TAF4: variants seen among roughly 807,000 people sequenced by gnomAD.
TAF4 encodes the protein TATA-box binding protein associated factor 4.
A neutral mutation model predicts 90.3 loss-of-function variants in TAF4; 9 were observed. The observed-to-expected ratio is 0.10, with a 90% CI of 0.06 to 0.17. The LOEUF (loss-of-function observed/expected upper bound fraction) is 0.17, where lower values mean the gene tolerates loss of function less well. Ranked by LOEUF, TAF4 falls within the 10% of genes least tolerant of loss-of-function variation. TAF4 has a pLI of 1.00. For missense variants in TAF4, 1,351 were observed against 1,370.7 expected (o/e 0.99, Z 0.23); for synonymous variants, 818 against 638.9 (o/e 1.28, Z -4.23).
chr20:62,063,022 A>C (rs1054782388), intron 1 of TAF4, among the ~76,000 whole-genome samples: 6 of 152,220 alleles, frequency 3.9e-5, no homozygotes, highest in African/African-American at 1.4e-4. Context: ...TCCTACTAAA[A>C]GGTCAACATA....
chr20:62,008,801 G>A lies in TAF4; in HGVS notation c.1884+251C>T, dbSNP rs919744131. The A allele has an allele frequency of 1.6e-5, 6 of 378,192 alleles. No individual in the cohort carries two copies. The South Asian group carries it at 3.8e-4, about 24-fold the overall frequency. The allele number at this position is 378,192 out of a possible 1,614,324, so 23.4% of individuals were successfully genotyped here. Reference sequence around the variant, plus strand: ...AGAGAGCCACAGACAAGGGACGCAGGCACCAGAAAACGGCAAAGCCCGGGA... The same window carrying A: ...AGAGAGCCACAGACAAGGGACGCAGACACCAGAAAACGGCAAAGCCCGGGA... On this transcript the variant is annotated intron_variant, in intron 5 of 14. Coordinates refer to ENST00000252996, the MANE Select transcript of TAF4 (RefSeq NM_003185.4).
chr20:62,017,205 A>G (rs1338236018), intron 1 of TAF4, among the ~76,000 whole-genome samples: 1 of 152,166 alleles, frequency 6.6e-6, no homozygotes, highest in Non-Finnish European at 1.5e-5. Flanking sequence ...CGCAGACTTA[A>G]GTGCACACAT....
At chr20:61,980,759 G>C (rs771840135) in intron 14 of TAF4, 1 of 152,284 alleles carries the variant, frequency 6.6e-6, no homozygotes, top group South Asian at 2.1e-4. Context: ...CACTGGACGA[G>C]GGCGCCTAGA....
At chr20:61,999,800 T>C (rs547722306) in intron 11 of TAF4, among the ~76,000 whole-genome samples, 22 of 152,142 alleles carry the variant, frequency 1.4e-4, no homozygotes, top group African/African-American at 4.8e-4. Context: ...AATACAAAAA[T>C]TAGTTGGGCA....
At chr20:61,984,436 G>A (rs573676452) in intron 14 of TAF4, among the ~76,000 whole-genome samples, 84 of 152,282 alleles carry the variant, frequency 5.5e-4, no homozygotes, top group South Asian at 4.6e-3. Flanking sequence ...GAAGACACAC[G>A]TACAAGGCGA....
chr20:62,007,229 T>C (rs1291426835), intron 6 of TAF4, among the ~76,000 whole-genome samples: 1 of 152,228 alleles, frequency 6.6e-6, no homozygotes, highest in East Asian at 1.9e-4. Context: ...CCTGACGCTG[T>C]TGAAACCCTT....
chr20:61,981,321 GAAC>G (rs746950056), intron 14 of TAF4: 8 of 152,080 alleles, frequency 5.3e-5, no homozygotes, highest in Non-Finnish European at 7.4e-5. Flanking sequence ...ACCTACCCTG[GAAC>G]AACAAGAAAA....
chr20:61,996,726 C>G (rs2055664898), intron 14 of TAF4, among the ~76,000 whole-genome samples: 1 of 150,296 alleles, frequency 6.7e-6, no homozygotes, highest in Admixed American at 6.7e-5. Flanking sequence ...TTGAACCTGG[C>G]AGGCGGAGGT....
At chr20:61,989,854 G>A (rs2055619856) in intron 14 of TAF4, among the ~76,000 whole-genome samples, 1 of 152,240 alleles carries the variant, frequency 6.6e-6, no homozygotes, top group African/African-American at 2.4e-5. Flanking sequence ...CCAGCAGAGG[G>A]CAACCAGCAG....
Position 62,006,861 on chromosome 20 carries a change from T to A in TAF4, c.1975-103A>T, listed in dbSNP as rs1037449029. On this transcript the variant is annotated intron_variant, in intron 6 of 14. Coordinates refer to ENST00000252996, the MANE Select transcript of TAF4 (RefSeq NM_003185.4). The surrounding 1 kb of genome is among the most constrained non-coding windows in gnomAD (Gnocchi z 7.0). ...CAACTTTTACAGAAAGCTTTTGAGC[T>A]AAGTAAGATGGATCTTGGCCCTCAC... 1 of 1,380,852 alleles carries A rather than the reference T, an allele frequency of 7.2e-7. No homozygotes were observed. 85.5% of individuals were successfully genotyped at this position (1,380,852 alleles called of 1,614,324 possible). A position where few individuals can be genotyped will look rare whatever the true frequency, so the allele number is the denominator to read the frequency against.
chr20:61,998,301 GA>G (rs1169770547), intron 12 of TAF4, 109 bp from the exon 13 acceptor site: 1 of 1,131,204 alleles, frequency 8.8e-7, no homozygotes, highest in African/African-American at 1.6e-5. Flanking sequence ...TAATGTTAAA[GA>G]ATGCATAGCA....
intron 1 of TAF4, among the ~76,000 whole-genome samples, chr20:62,039,184 G>A (rs2055950272): frequency 6.6e-6 from 1 of 152,182 alleles, no homozygotes; most frequent in East Asian, 1.9e-4. Flanking sequence ...CAGCACTGGA[G>A]GACTCCTGCC....
intron 13 of TAF4, 45 bp downstream of exon 13, chr20:61,998,091 T>C: frequency 6.2e-7 from 1 of 1,602,218 alleles, no homozygotes; most frequent in Non-Finnish European, 8.5e-7. Context: ...GGCGCTACAG[T>C]GCACAGCAAA....
At chr20:62,014,108 C>T (rs1455245872) in intron 2 of TAF4, among the ~76,000 whole-genome samples, 1 of 152,020 alleles carries the variant, frequency 6.6e-6, no homozygotes, top group East Asian at 1.9e-4. Context: ...CCCACTCGCA[C>T]ACAGCGGCTC....
intron 9 of TAF4, among the ~76,000 whole-genome samples, chr20:62,001,947 C>T (rs1034015037): frequency 6.6e-6 from 1 of 152,148 alleles, no homozygotes; most frequent in African/African-American, 2.4e-5. Context: ...GTTACTGTTC[C>T]CAGGACCCTG....
rs1234267458 is a variant in TAF4 at position 62,010,663 on chromosome 20, C to CTTT, written c.1642-499_1642-498insAAA. Among the ~76,000 whole-genome samples the CTTT allele has an allele frequency of 1.3e-5, 2 of 152,110 alleles. No individual in the cohort carries two copies. Among genetic ancestry groups the CTTT allele is most frequent in the Admixed American group, 1.3e-4 (2 of 15,276 alleles). The stretch of plus-strand genomic sequence containing the variant: ...GGGTCCCCAGCTCCCTGCAATCACC[C>CTTT]AAACCCACCTTTCTTTACTCCCCAA... On this transcript the variant is annotated intron_variant, in intron 3 of 14. Transcript: ENST00000252996. This position sits in a 1 kb window ranked among gnomAD's most constrained non-coding sequence, Gnocchi z 4.5.
chr20:62,064,959 G>C lies in TAF4; in HGVS notation c.852C>G (p.Pro284=). ...CGGTCGGGGGTCCGGCGGGGTGGCC[G>C]GGCGGCCGGGCCAGAGTGGCGGGCG... ...PPAPATLARP[P]GHPAGPPTAA... The change falls in exon 1 of 15, where the codon CCC becomes CCG. Residue 284 remains proline (P), a synonymous_variant. Coordinates refer to ENST00000252996, the MANE Select transcript of TAF4 (RefSeq NM_003185.4). 2.2e-6 allele frequency: 1 copy of C among 451,382 alleles called. No homozygotes were observed. The highest frequency in any genetic ancestry group is 2.8e-6 in the Non-Finnish European group (1 of 352,070). 28.0% of individuals were successfully genotyped at this position (451,382 alleles called of 1,614,324 possible). A position where few individuals can be genotyped will look rare whatever the true frequency, so the allele number is the denominator to read the frequency against.
intron 1 of TAF4, among the ~76,000 whole-genome samples, chr20:62,057,043 C>G (rs531068965): frequency 6.6e-6 from 1 of 152,230 alleles, no homozygotes; most frequent in African/African-American, 2.4e-5. Flanking sequence ...GGAGACCACG[C>G]TCCTCCGCAG....
chr20:62,051,092 G>A lies in TAF4; in HGVS notation c.1360+13359C>T, dbSNP rs1031853718. 2.0e-5 allele frequency among the ~76,000 whole-genome samples: 3 copies of A among 152,332 alleles called. No homozygotes were observed. The East Asian group carries it at 5.8e-4, about 29-fold the overall frequency. ...GGGAGGAAATCACCATGGAAATCAC[G>A]TCCAAAATGAACCTCAGCCCATGGC... On this transcript the variant is annotated intron_variant, in intron 1 of 14. Coordinates refer to ENST00000252996, the MANE Select transcript of TAF4 (RefSeq NM_003185.4).
Sources: gnomAD v4.1 joint callset for allele counts (sites outside exome capture counted in the v4.1 genomes callset) on GRCh38, gnomAD v4.1.1 for gene constraint, Gnocchi (gnomAD v3.1) non-coding constraint, MANE v1.5 for transcripts, NCBI Gene and HGNC (gene_info 2026-07-23, HGNC 2026-07-21) for gene names.